MICU1: variants seen among roughly 807,000 people sequenced by gnomAD.
The protein encoded by MICU1 is calcium uptake protein 1, mitochondrial.
In MICU1, 45 loss-of-function variants were observed where a neutral mutation model predicts 56.8. The ratio of observed to expected loss-of-function variants is 0.79; its 90% CI spans 0.62 to 1.02. The LOEUF (loss-of-function observed/expected upper bound fraction) is 1.02. MICU1 is among the 50% of genes least tolerant of loss of function. MICU1 has a pLI of 0.00. For synonymous variants in MICU1, 186 were observed against 195.1 expected (o/e 0.95, Z 0.39); for missense variants, 504 against 587.1 (o/e 0.86, Z 1.46).
intron 8 of MICU1, among the ~76,000 whole-genome samples, chr10:72,427,272 C>A (rs1384577040): frequency 6.6e-6 from 1 of 152,198 alleles, no homozygotes; most frequent in Non-Finnish European, 1.5e-5. Context: ...TTTTTCCTGG[C>A]TTTCTGTTCA....
At chr10:72,537,771 T>C (rs578226414) in intron 4 of MICU1, among the ~76,000 whole-genome samples, 1 of 152,150 alleles carries the variant, frequency 6.6e-6, no homozygotes, top group African/African-American at 2.4e-5. Context: ...AAGTAGAGTA[T>C]GTGTAAAGGT....
At chr10:72,554,298 T>C (rs1840106023) in intron 3 of MICU1, among the ~76,000 whole-genome samples, 1 of 152,212 alleles carries the variant, frequency 6.6e-6, no homozygotes, top group Non-Finnish European at 1.5e-5. Context: ...TGAACATCAA[T>C]AGCTGTTAAT....
chr10:72,535,039 A>ATTTTATTTTATTTTATTTTAT (rs367546666), intron 4 of MICU1, among the ~76,000 whole-genome samples: 30 of 123,106 alleles, frequency 2.4e-4, no homozygotes, highest in African/African-American at 9.1e-4. Flanking sequence ...TATTTTATTT[A>ATTTTATTTTATTTTATTTTAT]TTTATTTTGA....
At chr10:72,457,171 C>T (rs1163613831) in intron 8 of MICU1, among the ~76,000 whole-genome samples, 1 of 150,790 alleles carries the variant, frequency 6.6e-6, no homozygotes, top group Non-Finnish European at 1.5e-5. Flanking sequence ...AGTTGTAGAG[C>T]TCTAATTTTA....
At chr10:72,458,163 T>C (rs1402536287) in intron 8 of MICU1, among the ~76,000 whole-genome samples, 1 of 143,372 alleles carries the variant, frequency 7.0e-6, no homozygotes. Context: ...TAAAAATCCA[T>C]CTCAAAAAAA....
chr10:72,602,537 G>A (rs1302374548), intron 1 of MICU1, among the ~76,000 whole-genome samples: 3 of 152,052 alleles, frequency 2.0e-5, no homozygotes, highest in African/African-American at 7.3e-5. Context: ...TGTCTGTTTA[G>A]GATACAATAC....
In MICU1 at chr10:72,375,737, G is replaced by C. The variant is rs773934886; in HGVS notation, c.1270+46C>G. The C allele has an allele frequency of 2.0e-5, 31 of 1,564,460 alleles. No homozygotes were observed. The Admixed American group carries it at 5.7e-4, about 29-fold the overall frequency. The stretch of plus-strand genomic sequence containing the variant: ...TCCATTATACACAAGGGCCTCTAAG[G>C]GCAGCTAGGCTGTTTCCCCTCCGGG... On this transcript the variant is annotated intron_variant, in intron 11 of 11. Transcript: ENST00000361114.
At chr10:72,460,217 C>T (rs1275691615) in intron 8 of MICU1, among the ~76,000 whole-genome samples, 1 of 152,020 alleles carries the variant, frequency 6.6e-6, no homozygotes, top group Non-Finnish European at 1.5e-5. Context: ...TTTTTGTTTC[C>T]CAAAAGCACC....
intron 4 of MICU1, among the ~76,000 whole-genome samples, chr10:72,547,504 A>G (rs987652832): frequency 6.7e-6 from 1 of 148,344 alleles, no homozygotes; most frequent in Non-Finnish European, 1.5e-5. Flanking sequence ...CTATCAATCA[A>G]TACATGTTGA....
At chr10:72,368,438 T>C in intron 11 of MICU1, 83 bp from the exon 12 acceptor site, 2 of 1,485,540 alleles carry the variant, frequency 1.3e-6, no homozygotes, top group Non-Finnish European at 1.8e-6. Flanking sequence ...CCACACAAAG[T>C]GGATTTCAAA....
intron 4 of MICU1, among the ~76,000 whole-genome samples, chr10:72,542,546 T>A (rs752437965): frequency 7.9e-5 from 12 of 152,116 alleles, no homozygotes; most frequent in Non-Finnish European, 1.5e-4. Context: ...TGCTTTTGGG[T>A]GCCAGCAGGA....
chr10:72,458,248 AAC>A (rs765621719), intron 8 of MICU1, among the ~76,000 whole-genome samples: 12 of 152,154 alleles, frequency 7.9e-5, no homozygotes, highest in Non-Finnish European at 1.5e-4. Flanking sequence ...ACAGCATATT[AAC>A]ACTTAGCAAT....
intron 2 of MICU1, among the ~76,000 whole-genome samples, chr10:72,566,337 C>T (rs918444598): frequency 3.3e-5 from 5 of 152,066 alleles, no homozygotes; most frequent in Non-Finnish European, 5.9e-5. Flanking sequence ...TAAGCCACCG[C>T]GCCTGGCCAG....
intron 8 of MICU1, among the ~76,000 whole-genome samples, chr10:72,439,195 A>G (rs1331711118): frequency 1.2e-4 from 18 of 152,238 alleles, no homozygotes; most frequent in Admixed American, 1.1e-3. Context: ...CAAAAAGCTT[A>G]TCCACCACGA....
chr10:72,511,068 G>C (rs1256112232), intron 5 of MICU1, among the ~76,000 whole-genome samples: 1 of 152,098 alleles, frequency 6.6e-6, no homozygotes, highest in Non-Finnish European at 1.5e-5. Flanking sequence ...CATTAATAGG[G>C]AACAGCCTTT....
rs1354523756 is a variant in MICU1, at chr10:72,454,792, AAAAAAAC to A, written c.933+20301_933+20307del. Among the ~76,000 whole-genome samples the A allele has an allele frequency of 5.1e-4, 76 of 149,576 alleles. 1 individual carries two copies. The highest frequency in any genetic ancestry group is 1.6e-3 in the African/African-American group (63 of 39,280). ...AGCGAAACTCCATCTCAAAAAAAAAAAAAAAACAAAAAACAAAAAATATAAAACAAAA... is the reference window on the plus strand; with the variant it reads ...AGCGAAACTCCATCTCAAAAAAAAAAAAAAAACAAAAAATATAAAACAAAA... On this transcript the variant is annotated intron_variant, in intron 8 of 11. Transcript: ENST00000361114.
chr10:72,472,244 A>G (rs10430517), intron 8 of MICU1, among the ~76,000 whole-genome samples: 1 of 152,344 alleles, frequency 6.6e-6, no homozygotes, highest in East Asian at 1.9e-4. Flanking sequence ...CTCTACGTAC[A>G]ACTAGACAAA....
chr10:72,399,573 G>C (rs529711957), intron 10 of MICU1, among the ~76,000 whole-genome samples: 2 of 152,230 alleles, frequency 1.3e-5, no homozygotes, highest in Non-Finnish European at 2.9e-5. Flanking sequence ...ATGCACCCAG[G>C]AGGCAGAGAT....
intron 1 of MICU1, among the ~76,000 whole-genome samples, chr10:72,605,216 A>T (rs1196432917): frequency 6.6e-6 from 1 of 152,210 alleles, no homozygotes; most frequent in East Asian, 1.9e-4. Context: ...ACGCATTAGC[A>T]TGCTAAAAGG....
Sources: gnomAD v4.1 joint callset for allele counts (sites outside exome capture counted in the v4.1 genomes callset) on GRCh38, gnomAD v4.1.1 for gene constraint, MANE v1.5 for transcripts, NCBI Gene and HGNC (gene_info 2026-07-23, HGNC 2026-07-21) for gene names.